The following TRIM5 variants were observed in gnomAD, a reference collection of about 807,000 sequenced individuals.
TRIM5 encodes tripartite motif-containing protein 5.
Under a neutral mutation model 35.6 loss-of-function variants are expected in TRIM5, and 31 were observed. The ratio of observed to expected loss-of-function variants is 0.87; its 90% CI spans 0.65 to 1.18. The LOEUF is 1.18. Among genes scored for constraint, TRIM5 ranks in the 50% most tolerant of loss-of-function variants. The pLI is 0.00. For missense variants in TRIM5, 609 were observed against 591.6 expected (o/e 1.03, Z -0.31); for synonymous variants, 243 against 215.6 (o/e 1.13, Z -1.11).
chr11:5,663,117 C>T (rs538165532), downstream of TRIM5: 313 of 565,526 alleles, frequency 5.5e-4, 1 homozygote, highest in Middle Eastern at 4.3e-3. Context: ...AGAGACAAAC[C>T]CTGTCTCAAA....
the TRIM5 span, chr11:5,608,296 G>T: frequency 6.3e-7 from 1 of 1,594,988 alleles, no homozygotes; most frequent in South Asian, 1.1e-5. Context: ...TCATGGGGTA[G>T]GGGACATGGA....
chr11:5,680,385 G>A lies in TRIM5; in HGVS notation c.-61-147C>T, dbSNP rs1012398154. The stretch of plus-strand genomic sequence containing the variant: ...AATAAGAAAAGGTGTTTGGTTACCT[G>A]GTAATAAGGGCTTTTCATAATCACC... On this transcript the variant is annotated intron_variant, in intron 1 of 7. Transcript: ENST00000380034. 1.5e-5 allele frequency: 8 copies of A among 526,918 alleles called. No homozygotes were observed. In the Admixed American group the frequency reaches 2.4e-4, roughly 16 times the overall value. The allele number at this position is 526,918 out of a possible 1,614,324, so 32.6% of individuals were successfully genotyped here.
intron 4 of TRIM5, 100 bp from the exon 5 acceptor site, chr11:5,667,811 G>T: frequency 7.5e-7 from 1 of 1,332,560 alleles, no homozygotes; most frequent in South Asian, 1.3e-5. Flanking sequence ...GCTGAGAATG[G>T]AGATGGTGAC....
the TRIM5 span, chr11:5,603,397 GAC>G: frequency 6.3e-4 from 1,020 of 1,613,976 alleles, 1 homozygote; most frequent in Non-Finnish European, 8.2e-4. Context: ...CCTGAGCATA[GAC>G]TGTGGCCACA....
Position 5,665,664 on chromosome 11 carries a change from C to G in TRIM5, c.887G>C (p.Arg296Pro), listed in dbSNP as rs373030263. ...ATGTGACTTCTCCTTACCCCAGTAG[C>G]GTCGGACATCTGTCAGCTCTGAAAT... ...EVFRELTDVR[R>P]YWVDVTVAPN... The change falls in exon 7 of 8, where the codon CGC becomes CCC. Residue 296 changes from arginine to proline, a missense_variant. Coordinates refer to ENST00000380034, the MANE Select transcript of TRIM5 (RefSeq NM_033034.3). The G allele has an allele frequency of 6.5e-7, 1 of 1,530,496 alleles. No homozygotes were observed. The highest frequency in any genetic ancestry group is 1.4e-5 in the African/African-American group (1 of 71,574). The allele number at this position is 1,530,496 out of a possible 1,614,324, so 94.8% of individuals were successfully genotyped here. A position where few individuals can be genotyped will look rare whatever the true frequency, so the allele number is the denominator to read the frequency against.
chr11:5,677,132 A>G (rs1185092650), intron 4 of TRIM5, among the ~76,000 whole-genome samples: 5 of 152,108 alleles, frequency 3.3e-5, no homozygotes, highest in Admixed American at 6.5e-5. Context: ...GAGCTTCTGC[A>G]CAGCAAAAGA....
the TRIM5 span, among the ~76,000 whole-genome samples, chr11:5,623,227 C>T: frequency 1.3e-5 from 2 of 151,046 alleles, no homozygotes; most frequent in Admixed American, 6.6e-5. Flanking sequence ...TTTTGGGTCC[C>T]GAGATTTTCT....
At chr11:5,595,030 A>G in the TRIM5 span, among the ~76,000 whole-genome samples, 1 of 152,208 alleles carries the variant, frequency 6.6e-6, no homozygotes, top group Non-Finnish European at 1.5e-5. Flanking sequence ...GTAGTCACTG[A>G]AATAGTGACA....
the TRIM5 span, among the ~76,000 whole-genome samples, chr11:5,600,478 C>T: frequency 8.1e-4 from 124 of 152,276 alleles, 1 homozygote; most frequent in Non-Finnish European, 1.0e-4. Context: ...AACCTGTTTT[C>T]GGCTCGCTAG....
downstream of TRIM5, among the ~76,000 whole-genome samples, chr11:5,662,441 G>A (rs1274893980): frequency 2.4e-5 from 3 of 127,532 alleles, no homozygotes; most frequent in Admixed American, 7.6e-5. Context: ...CCATGCCTTT[G>A]TTACTTTAAT....
At chr11:5,632,328 T>C in the TRIM5 span, 1 of 1,614,100 alleles carries the variant, frequency 6.2e-7, no homozygotes, top group Non-Finnish European at 8.5e-7. Context: ...AGGGAAGCAG[T>C]GCAATGGCTT....
chr11:5,668,746 G>C (rs987863696), intron 4 of TRIM5, among the ~76,000 whole-genome samples: 1 of 152,066 alleles, frequency 6.6e-6, no homozygotes, highest in Non-Finnish European at 1.5e-5. Flanking sequence ...CACGACACCC[G>C]GCCTACGTAC....
the TRIM5 span, chr11:5,642,681 C>T: frequency 7.6e-7 from 1 of 1,318,968 alleles, no homozygotes; most frequent in Non-Finnish European, 9.9e-7. Flanking sequence ...GGCTAGGTCT[C>T]TGGTTTATCT....
the TRIM5 span, chr11:5,642,799 A>T: frequency 1.9e-6 from 3 of 1,613,914 alleles, no homozygotes; most frequent in Non-Finnish European, 8.5e-7. Context: ...AGCATCACTG[A>T]ATCTTTTATT....
chr11:5,681,895 T>C (rs1361088200), intron 1 of TRIM5, among the ~76,000 whole-genome samples: 1 of 125,552 alleles, frequency 8.0e-6, no homozygotes, highest in African/African-American at 3.6e-5. Context: ...GCCTCCCAGG[T>C]TCCAGTGACT....
rs1232804537 is a variant in TRIM5, at chr11:5,664,824, G to A, written c.1467C>T (p.Cys489=). The change falls in exon 8 of 8, where the codon TGC becomes TGT. Residue 489 remains cysteine, a synonymous_variant. Transcript: ENST00000380034. The part of the protein sequence containing the change: ...PRKCGVPMTL[C]SPSS ...GTAAGAAGGTTCAAGAGCTTGGTGA[G>A]CACAGAGTCATGGGGACTCCACATT... 1.9e-6 allele frequency: 3 copies of A among 1,597,840 alleles called. No homozygotes were observed. The highest frequency in any genetic ancestry group is 8.5e-7 in the Non-Finnish European group (1 of 1,172,848).
chr11:5,656,545 A>T, the TRIM5 span, among the ~76,000 whole-genome samples: 2 of 151,936 alleles, frequency 1.3e-5, no homozygotes, highest in Admixed American at 1.3e-4. Context: ...GTAGAGATGG[A>T]GTTTCTCCAT....
At chr11:5,643,095 A>G in the TRIM5 span, 1 of 1,246,430 alleles carries the variant, frequency 8.0e-7, no homozygotes, top group East Asian at 2.8e-5. Flanking sequence ...TATATCACAC[A>G]GATGATTATA....
At chr11:5,682,692 G>A (rs1049330799) in intron 1 of TRIM5, among the ~76,000 whole-genome samples, 20 of 152,070 alleles carry the variant, frequency 1.3e-4, no homozygotes, top group African/African-American at 2.4e-5. Flanking sequence ...TATCACTAGA[G>A]TGTTAAGTTA....
Sources: gnomAD v4.1 joint callset for allele counts (sites outside exome capture counted in the v4.1 genomes callset) on GRCh38, gnomAD v4.1.1 for gene constraint, MANE v1.5 for transcripts, NCBI Gene and HGNC (gene_info 2026-07-23, HGNC 2026-07-21) for gene names.